C11orf65: variants seen among roughly 807,000 people sequenced by gnomAD.
C11orf65 encodes protein MFI.
Under a neutral mutation model 35.3 loss-of-function variants are expected in C11orf65, and 38 were observed. The observed-to-expected ratio is 1.08, with a 90% CI of 0.83 to 1.41. The LOEUF (loss-of-function observed/expected upper bound fraction) is 1.41, where lower values mean the gene tolerates loss of function less well. Ranked by LOEUF, C11orf65 falls within the 40% of genes most tolerant of loss-of-function variation. C11orf65 has a pLI of 0.00. For missense variants in C11orf65, 370 were observed against 367.1 expected (o/e 1.01, Z -0.06); for synonymous variants, 105 against 114.4 (o/e 0.92, Z 0.53).
At chr11:108,385,506 C>T (rs1261354598) in intron 8 of C11orf65, among the ~76,000 whole-genome samples, 1 of 152,072 alleles carries the variant, frequency 6.6e-6, no homozygotes, top group African/African-American at 2.4e-5. Flanking sequence ...CACAGTGAAA[C>T]CCTGTCTCTA....
chr11:108,409,668 C>G (rs1193702213), intron 3 of C11orf65, among the ~76,000 whole-genome samples: 15 of 151,932 alleles, frequency 9.9e-5, no homozygotes, highest in Non-Finnish European at 4.4e-5. Context: ...TGGACTGGTA[C>G]CAGTCCATGG....
chr11:108,400,456 T>C (rs1190222043), intron 6 of C11orf65, among the ~76,000 whole-genome samples: 1 of 152,186 alleles, frequency 6.6e-6, no homozygotes, highest in East Asian at 1.9e-4. Flanking sequence ...GAAACAGATG[T>C]ACAAGCCCCT....
intron 7 of C11orf65, among the ~76,000 whole-genome samples, chr11:108,386,976 G>A (rs568807977): frequency 2.4e-4 from 37 of 151,908 alleles, no homozygotes; most frequent in Admixed American, 7.9e-4. Context: ...AGCTACTCGG[G>A]AGGCTGAGGC....
chr11:108,317,279 G>A, intron 6 of C11orf65: 3 of 1,342,432 alleles, frequency 2.2e-6, no homozygotes, highest in African/African-American at 1.5e-5. Context: ...ACTAAAATTT[G>A]TCTAAGTTAA....
chr11:108,315,768 A>T, intron 6 of C11orf65: 1 of 1,450,962 alleles, frequency 6.9e-7, no homozygotes, highest in Non-Finnish European at 9.6e-7. Context: ...AATTTGCTAA[A>T]TTTATAGACC....
chr11:108,353,846 A>T lies in C11orf65; in HGVS notation c.227-18554T>A, dbSNP rs1555142873. 1.2e-6 allele frequency: 2 copies of T among 1,613,904 alleles called. No individual in the cohort carries two copies. The highest frequency in any genetic ancestry group is 8.5e-7 in the Non-Finnish European group (1 of 1,179,954). On this transcript the variant is annotated intron_variant, in intron 2 of 3. Coordinates refer to the C11orf65 transcript ENST00000524755. ...ACTCACCAGAGATATTGTGGATGGCATGGGCATTACGGGTGTTGAAGGTGT... is the reference window on the plus strand; with the variant it reads ...ACTCACCAGAGATATTGTGGATGGCTTGGGCATTACGGGTGTTGAAGGTGT...
chr11:108,469,791 G>A (rs1031974402), upstream of C11orf65, among the ~76,000 whole-genome samples: 1 of 151,898 alleles, frequency 6.6e-6, no homozygotes, highest in Admixed American at 6.6e-5. Flanking sequence ...TCAAGTGTTA[G>A]GTTTATTCAT....
intron 2 of C11orf65, among the ~76,000 whole-genome samples, chr11:108,432,389 T>C (rs778843603): frequency 1.3e-5 from 2 of 152,240 alleles, no homozygotes; most frequent in Non-Finnish European, 2.9e-5. Flanking sequence ...TAGCCATTGT[T>C]ACCATTGCAG....
At chr11:108,455,159 A>G (rs1005379716) in intron 2 of C11orf65, among the ~76,000 whole-genome samples, 1 of 152,114 alleles carries the variant, frequency 6.6e-6, no homozygotes. Context: ...CAATGGTGAA[A>G]AGTTAAAAGT....
chr11:108,405,329 C>T, intron 6 of C11orf65, 100 bp downstream of exon 6: 8 of 1,234,898 alleles, frequency 6.5e-6, no homozygotes, highest in Non-Finnish European at 9.0e-6. Flanking sequence ...GGCAGACCCC[C>T]TGCAGCTAAT....
At chr11:108,468,973 T>C (rs2093561941), upstream of C11orf65, among the ~76,000 whole-genome samples, 1 of 152,034 alleles carries the variant, frequency 6.6e-6, no homozygotes, top group African/African-American at 2.4e-5. Flanking sequence ...GCCTCCCAAG[T>C]AGCTGGGACT....
intron 2 of C11orf65, among the ~76,000 whole-genome samples, chr11:108,440,505 T>C (rs889763558): frequency 2.0e-5 from 3 of 152,166 alleles, no homozygotes; most frequent in Non-Finnish European, 4.4e-5. Flanking sequence ...ATTACACTTA[T>C]TGGGCATGGA....
chr11:108,382,971 G>T lies in C11orf65; in HGVS notation c.*50C>A. 1 of 1,602,718 alleles carries T rather than the reference G, an allele frequency of 6.2e-7. No individual in the cohort carries two copies. The highest frequency in any genetic ancestry group is 8.5e-7 in the Non-Finnish European group (1 of 1,176,572). ...AATACACTATCTCTTGGCTATAACT[G>T]ATGGATGGAAGGCTCAAAGGGCTAT... On this transcript the variant is annotated 3_prime_UTR_variant, in exon 9 of 9. Transcript: ENST00000393084.
At chr11:108,444,994 G>A (rs1368606145) in intron 2 of C11orf65, among the ~76,000 whole-genome samples, 1 of 152,186 alleles carries the variant, frequency 6.6e-6, no homozygotes, top group Non-Finnish European at 1.5e-5. Context: ...CGCCCACGGA[G>A]TCTTGCTGAT....
chr11:108,374,987 T>G (rs1182634567), intron 2 of C11orf65, among the ~76,000 whole-genome samples: 1 of 152,070 alleles, frequency 6.6e-6, no homozygotes, highest in Non-Finnish European at 1.5e-5. Flanking sequence ...TGGGACTATG[T>G]GAAAAGACCA....
At chr11:108,344,839 A>G (rs1395081396) in intron 2 of C11orf65, among the ~76,000 whole-genome samples, 1 of 152,012 alleles carries the variant, frequency 6.6e-6, no homozygotes, top group Non-Finnish European at 1.5e-5. Flanking sequence ...CCACATCTCT[A>G]CAAAAAATAA....
chr11:108,330,141 T>G, downstream of C11orf65: 1 of 1,493,902 alleles, frequency 6.7e-7, no homozygotes, highest in Non-Finnish European at 9.2e-7. Flanking sequence ...TTAAATGTTG[T>G]ATATCATGTG....
intron 6 of C11orf65, among the ~76,000 whole-genome samples, chr11:108,404,011 G>C (rs904272458): frequency 6.6e-6 from 1 of 152,000 alleles, no homozygotes; most frequent in Non-Finnish European, 1.5e-5. Flanking sequence ...TTCTCACTTG[G>C]TGCCCATCTG....
chr11:108,338,253 A>G (rs1055709878), intron 2 of C11orf65, among the ~76,000 whole-genome samples: 1 of 152,194 alleles, frequency 6.6e-6, no homozygotes, highest in Non-Finnish European at 1.5e-5. Flanking sequence ...TGGGAGGCTG[A>G]GGTGAGAGAA....
Sources: gnomAD v4.1 joint callset for allele counts (sites outside exome capture counted in the v4.1 genomes callset) on GRCh38, gnomAD v4.1.1 for gene constraint, MANE v1.5 for transcripts, NCBI Gene and HGNC (gene_info 2026-07-23, HGNC 2026-07-21) for gene names.